The following ABCD3 variants were observed in gnomAD, a reference collection of about 807,000 sequenced individuals.
ABCD3 encodes the protein ATP-binding cassette sub-family D member 3.
In ABCD3, 41 loss-of-function variants were observed where a neutral mutation model predicts 105.5. The observed-to-expected ratio is 0.39, with a 90% confidence interval of 0.30 to 0.50. The LOEUF (loss-of-function observed/expected upper bound fraction) is 0.50, where lower values mean the gene tolerates loss of function less well. Among genes scored for constraint, ABCD3 ranks in the 20% least tolerant of loss-of-function variants. The probability of loss-of-function intolerance (pLI) is 0.84; values close to 1 mark genes in which losing one functional copy is unlikely to be tolerated. For synonymous variants in ABCD3, 258 were observed against 269.0 expected, an observed-to-expected ratio of 0.96 and a Z score of 0.40; for missense variants, 622 against 806.3, an observed-to-expected ratio of 0.77 and a Z score of 2.77.
upstream of ABCD3, among the ~76,000 whole-genome samples, chr1:94,413,826 C>T (rs562553869): frequency 1.3e-3 from 194 of 152,216 alleles, 1 homozygote; most frequent in Non-Finnish European, 2.0e-3. Flanking sequence ...CACCCTACTA[C>T]ATATTAATAG....
intron 1 of ABCD3, among the ~76,000 whole-genome samples, chr1:94,424,988 A>AT (rs1659407113): frequency 6.6e-6 from 1 of 152,118 alleles, no homozygotes; most frequent in African/African-American, 2.4e-5. Flanking sequence ...TGAGATTCTC[A>AT]TTTTTTGGGG....
chr1:94,456,262 T>A (rs1036742952), intron 1 of ABCD3, among the ~76,000 whole-genome samples: 1 of 74,884 alleles, frequency 1.3e-5, no homozygotes, highest in Non-Finnish European at 2.8e-5. Flanking sequence ...AGAATTTTTT[T>A]TTTTTTTTTT....
At position 94,504,338 on chromosome 1, in the gene ABCD3, G is replaced by A. The variant is rs1459929538; in HGVS notation, c.1741-2200G>A. On this transcript the variant is annotated intron_variant, in intron 20 of 22. Coordinates refer to ENST00000370214, the MANE Select transcript of ABCD3 (RefSeq NM_002858.4). ...TCACCATGTTGGCCAGGCTAGTCTC[G>A]AACTCCTAGCCTCAAGTGATCTGCC... 4.6e-5 allele frequency among the ~76,000 whole-genome samples: 7 copies of A among 152,016 alleles called. No individual in the cohort carries two copies. The East Asian group carries it at 7.7e-4, about 17-fold the overall frequency.
the ABCD3 span, among the ~76,000 whole-genome samples, chr1:94,407,171 A>G: frequency 2.6e-5 from 4 of 152,050 alleles, no homozygotes; most frequent in Non-Finnish European, 5.9e-5. Context: ...TGTTTTTGAG[A>G]CGGAGTTTTG....
intron 2 of ABCD3, among the ~76,000 whole-genome samples, chr1:94,464,490 G>A (rs1648039405): frequency 6.6e-6 from 1 of 151,898 alleles, no homozygotes; most frequent in Non-Finnish European, 1.5e-5. Context: ...CGTTGCAGGT[G>A]TTCACCTTGG....
chr1:94,421,161 G>C (rs1205780089), intron 1 of ABCD3, among the ~76,000 whole-genome samples: 1 of 151,976 alleles, frequency 6.6e-6, no homozygotes, highest in Non-Finnish European at 1.5e-5. Context: ...CTTTACCCAA[G>C]GAGTACCAAC....
At chr1:94,480,260 G>A (rs1648971919) in intron 8 of ABCD3, 2 of 606,248 alleles carry the variant, frequency 3.3e-6, no homozygotes, top group Non-Finnish European at 5.8e-6. Flanking sequence ...AAGCTACAGT[G>A]GTAAGAGGAA....
chr1:94,479,846 T>C (rs949706066), intron 8 of ABCD3, among the ~76,000 whole-genome samples: 1 of 151,986 alleles, frequency 6.6e-6, no homozygotes, highest in Non-Finnish European at 1.5e-5. Flanking sequence ...CTTTTTCTCT[T>C]GGGATGGTCA....
chr1:94,499,681 C>T, intron 20 of ABCD3, 67 bp downstream of exon 20: 1 of 1,586,584 alleles, frequency 6.3e-7, no homozygotes, highest in Non-Finnish European at 8.6e-7. Flanking sequence ...AATCAGGACA[C>T]AAAGTTTCAT....
At chr1:94,397,507 A>G in the ABCD3 span, among the ~76,000 whole-genome samples, 1 of 152,136 alleles carries the variant, frequency 6.6e-6, no homozygotes, top group African/African-American at 2.4e-5. Context: ...ATGTTTCTTC[A>G]TAATTAGTTG....
rs1331216486 is a variant in ABCD3 at position 94,508,103 on chromosome 1, C to T, written c.1845+1461C>T. ...CTGAATGGTAATGCCTAGGTTTTCTCCTAGGGTTTTTATGGTTTTAGGTCT... is the reference window on the plus strand; with the variant it reads ...CTGAATGGTAATGCCTAGGTTTTCTTCTAGGGTTTTTATGGTTTTAGGTCT... On this transcript the variant is annotated intron_variant, in intron 21 of 22. Coordinates refer to ENST00000370214, the MANE Select transcript of ABCD3 (RefSeq NM_002858.4). 4.0e-5 allele frequency among the ~76,000 whole-genome samples: 6 copies of T among 151,546 alleles called. No homozygotes were observed. The East Asian group carries it at 7.8e-4, about 20-fold the overall frequency.
At position 94,491,213 on chromosome 1, in the gene ABCD3, A is replaced by T; in HGVS notation, c.1352A>T (p.Asn451Ile). 6.2e-7 allele frequency: 1 copy of T among 1,612,498 alleles called. No homozygotes were observed. The highest frequency in any genetic ancestry group is 8.5e-7 in the Non-Finnish European group (1 of 1,178,882). ...KFDHVPLATP[N>I]GDVLIRDLNF... ...GATCATGTTCCTTTAGCAACGCCAA[A>T]TGGAGATGTTTTGATCCGAGACCTT... Residue 451 changes from asparagine (N) to isoleucine (I), a missense_variant, in exon 16 of 23, where the codon AAT becomes ATT. Asn to Ile is a moderately radical substitution (Grantham distance 149). Transcript: ENST00000370214.
chr1:94,480,653 A>C, intron 9 of ABCD3, 47 bp downstream of exon 9: 8 of 1,602,670 alleles, frequency 5.0e-6, no homozygotes, highest in Non-Finnish European at 6.8e-6. Flanking sequence ...ATTTCTATGG[A>C]TATTGATGTC....
intron 1 of ABCD3, among the ~76,000 whole-genome samples, chr1:94,449,859 A>G (rs921732270): frequency 6.6e-6 from 1 of 152,366 alleles, no homozygotes; most frequent in Middle Eastern, 3.4e-3. Context: ...ATCTGGAAAC[A>G]TGGCGGTATG....
chr1:94,407,843 C>T, the ABCD3 span, among the ~76,000 whole-genome samples: 1 of 152,114 alleles, frequency 6.6e-6, no homozygotes, highest in Non-Finnish European at 1.5e-5. Flanking sequence ...AAAGAAACAA[C>T]AACAAACAAA....
intron 1 of ABCD3, among the ~76,000 whole-genome samples, chr1:94,430,158 C>G (rs1227339270): frequency 6.6e-6 from 1 of 152,236 alleles, no homozygotes; most frequent in Non-Finnish European, 1.5e-5. Flanking sequence ...TTGTTTTGAC[C>G]AATTTCTCCC....
the ABCD3 span, among the ~76,000 whole-genome samples, chr1:94,401,844 G>A: frequency 6.6e-6 from 1 of 152,054 alleles, no homozygotes; most frequent in South Asian, 2.1e-4. Context: ...AAAGGCACAG[G>A]TCTTAAGTAT....
chr1:94,390,769 CAGTT>C, the ABCD3 span, among the ~76,000 whole-genome samples: 1 of 152,142 alleles, frequency 6.6e-6, no homozygotes, highest in Non-Finnish European at 1.5e-5. Flanking sequence ...AAGGTTCTGC[CAGTT>C]AGTAACTATC....
At chr1:94,399,829 T>A in the ABCD3 span, among the ~76,000 whole-genome samples, 13 of 152,296 alleles carry the variant, frequency 8.5e-5, 1 homozygote, top group Admixed American at 8.5e-4. Context: ...CCAGATAATA[T>A]TTACTTTCTA....
Sources: gnomAD v4.1 joint callset for allele counts (sites outside exome capture counted in the v4.1 genomes callset) on GRCh38, gnomAD v4.1.1 for gene constraint, MANE v1.5 for transcripts, NCBI Gene and HGNC (gene_info 2026-07-23, HGNC 2026-07-21) for gene names.